Variants in ARSJ observed in about 807,000 individuals in gnomAD.
ARSJ encodes the protein arylsulfatase family member J, also known as arylsulfatase J.
A neutral mutation model predicts 35.9 loss-of-function variants in ARSJ; 26 were observed. That is an observed-to-expected ratio of 0.72 (90% CI 0.53 to 1.00). ARSJ has a LOEUF of 1.00. ARSJ is among the 50% of genes least tolerant of loss of function. The pLI is 0.00. For missense variants in ARSJ, 667 were observed against 723.6 expected (o/e 0.92, Z 0.90); for synonymous variants, 294 against 267.6 (o/e 1.10, Z -0.96).
chr4:113,908,152 G>A lies in ARSJ; in HGVS notation c.399-4477C>T, dbSNP rs997165032. On this transcript the variant is annotated intron_variant, in intron 1 of 1. Transcript: ENST00000315366. ...GACATGACAATTAAATGCAATATGT[G>A]GTTTTGAATTGGAATAGTTTCAATA... is the stretch of plus-strand genomic sequence containing the variant. Among the ~76,000 whole-genome samples the A allele has an allele frequency of 3.3e-5, 5 of 152,156 alleles. No individual in the cohort carries two copies. The East Asian group carries it at 9.6e-4, about 29-fold the overall frequency.
chr4:113,902,212 C>T lies in ARSJ; in HGVS notation c.*62G>A. 6.2e-7 allele frequency: 1 copy of T among 1,600,006 alleles called. No homozygotes were observed. The highest frequency in any genetic ancestry group is 8.5e-7 in the Non-Finnish European group (1 of 1,179,920). On this transcript the variant is annotated 3_prime_UTR_variant, in exon 2 of 2. Coordinates refer to ENST00000315366, the MANE Select transcript of ARSJ (RefSeq NM_024590.4). ...TTATCGAGCCAAATTTGCTGGTTTA[C>T]CTAGGAAACAGATGAAAGATAAGAA...
intron 1 of ARSJ, among the ~76,000 whole-genome samples, chr4:113,947,168 T>A (rs993916810): frequency 1.3e-5 from 2 of 152,160 alleles, no homozygotes; most frequent in South Asian, 2.1e-4. Context: ...GATATTTAGG[T>A]CTTCCAATAG....
chr4:113,918,558 C>T (rs1306861424), intron 1 of ARSJ, among the ~76,000 whole-genome samples: 1 of 152,070 alleles, frequency 6.6e-6, no homozygotes, highest in African/African-American at 2.4e-5. Context: ...TTGAGAACTG[C>T]TAACATCTAA....
At chr4:113,943,935 T>A (rs4364328) in intron 1 of ARSJ, among the ~76,000 whole-genome samples, 1 of 151,814 alleles carries the variant, frequency 6.6e-6, no homozygotes. Flanking sequence ...CTGAGTCTTG[T>A]AATTTGGATT....
At chr4:113,937,198 C>T (rs898600047) in intron 1 of ARSJ, among the ~76,000 whole-genome samples, 11 of 152,002 alleles carry the variant, frequency 7.2e-5, no homozygotes, top group South Asian at 2.1e-4. Flanking sequence ...AGTGCTCACA[C>T]ATTATTTAGG....
rs144792787 is a variant in ARSJ at position 113,905,607 on chromosome 4, T to C, written c.399-1932A>G. 2.6e-3 allele frequency among the ~76,000 whole-genome samples: 394 copies of C among 151,636 alleles called. 7 individuals carry two copies. The highest frequency in any genetic ancestry group is 9.2e-3 in the African/African-American group (383 of 41,454). On this transcript the variant is annotated intron_variant, in intron 1 of 1. Transcript: ENST00000315366. The stretch of plus-strand genomic sequence containing the variant: ...AAGAAATTCCTAAAGAAATAATCTT[T>C]TCATAAACATCATAAGTACCAAGTT...
In ARSJ at chr4:113,959,202, A is replaced by G. The variant is rs1029204605; in HGVS notation, c.398+19235T>C. Among the ~76,000 whole-genome samples the G allele has an allele frequency of 2.6e-5, 4 of 152,076 alleles. No individual in the cohort carries two copies. The South Asian group carries it at 6.2e-4, about 24-fold the overall frequency. On this transcript the variant is annotated intron_variant, in intron 1 of 1. Transcript: ENST00000315366. ...TTTTTCTGAATGGCTCACACAGAACATAAACCTTAAAAGCCAACAGCATAC... is the reference window on the plus strand; with the variant it reads ...TTTTTCTGAATGGCTCACACAGAACGTAAACCTTAAAAGCCAACAGCATAC...
chr4:113,939,658 C>T lies in ARSJ; in HGVS notation c.399-35983G>A, dbSNP rs373525819. Among the ~76,000 whole-genome samples, 153 of 152,126 alleles carry T rather than the reference C, an allele frequency of 1.0e-3. 2 individuals carry two copies. The East Asian group carries it at 0.015, about 14-fold the overall frequency. On this transcript the variant is annotated intron_variant, in intron 1 of 1. Transcript: ENST00000315366. ...GTTTTGATTTGCATTTCTCTGATGG[C>T]CAGTGATGATGAGCATTTTTTCATG...
chr4:113,921,655 C>G (rs1278597978), intron 1 of ARSJ, among the ~76,000 whole-genome samples: 1 of 152,118 alleles, frequency 6.6e-6, no homozygotes, highest in Non-Finnish European at 1.5e-5. Flanking sequence ...TAGGAATAAT[C>G]TCACTAGCCT....
rs1200442949 is a variant in ARSJ at position 113,904,245 on chromosome 4, G to C, written c.399-570C>G. On this transcript the variant is annotated intron_variant, in intron 1 of 1. Coordinates refer to ENST00000315366, the MANE Select transcript of ARSJ (RefSeq NM_024590.4). ...GTGCCCAGCCTCAAAGTCTTTTAAA[G>C]TTCTTATAGTGGAATTAATTTGAAT... Among the ~76,000 whole-genome samples, 3 of 152,056 alleles carry C rather than the reference G, an allele frequency of 2.0e-5. No individual in the cohort carries two copies. The East Asian group carries it at 5.8e-4, about 29-fold the overall frequency.
chr4:113,937,439 A>C (rs1434095083), intron 1 of ARSJ, among the ~76,000 whole-genome samples: 1 of 152,072 alleles, frequency 6.6e-6, no homozygotes, highest in African/African-American at 2.4e-5. Context: ...TATCATACTG[A>C]ATTGGCAAAA....
intron 1 of ARSJ, among the ~76,000 whole-genome samples, chr4:113,960,184 T>C (rs1279096403): frequency 6.6e-6 from 1 of 152,124 alleles, no homozygotes; most frequent in Non-Finnish European, 1.5e-5. Flanking sequence ...CAATGAGTTG[T>C]AGTGGGCATT....
Position 113,922,827 on chromosome 4 carries a change from A to T in ARSJ, c.399-19152T>A, listed in dbSNP as rs142636120. ...GTGCAATTTGTTGTACTACATACAA[A>T]AATGTTAAATGACCTATGTAAAGTT... On this transcript the variant is annotated intron_variant, in intron 1 of 1. Coordinates refer to ENST00000315366, the MANE Select transcript of ARSJ (RefSeq NM_024590.4). Among the ~76,000 whole-genome samples, 434 of 152,290 alleles carry T rather than the reference A, an allele frequency of 2.8e-3. 2 individuals are homozygous for T. Among genetic ancestry groups the T allele is most frequent in the African/African-American group, 1.0e-2 (415 of 41,568 alleles).
chr4:113,968,522 G>A (rs567785192), intron 1 of ARSJ, among the ~76,000 whole-genome samples: 48 of 152,272 alleles, frequency 3.2e-4, no homozygotes, highest in Middle Eastern at 3.4e-3. Flanking sequence ...CTAGAAAGAT[G>A]CAATGATGTC....
chr4:113,952,618 T>C (rs1725931314), intron 1 of ARSJ, among the ~76,000 whole-genome samples: 1 of 152,080 alleles, frequency 6.6e-6, no homozygotes, highest in Non-Finnish European at 1.5e-5. Context: ...GAGGTAATGC[T>C]GAAAGCAGTC....
At chr4:113,929,709 G>A (rs543929625) in intron 1 of ARSJ, among the ~76,000 whole-genome samples, 23 of 152,104 alleles carry the variant, frequency 1.5e-4, no homozygotes, top group African/African-American at 4.8e-4. Context: ...TTTCTGTTTC[G>A]CTCAGGGCAA....
intron 1 of ARSJ, among the ~76,000 whole-genome samples, chr4:113,959,416 T>C (rs927572722): frequency 1.3e-5 from 2 of 151,982 alleles, no homozygotes; most frequent in African/African-American, 4.8e-5. Flanking sequence ...GTCAGAGTAA[T>C]AAAGCTCTCG....
intron 1 of ARSJ, among the ~76,000 whole-genome samples, chr4:113,924,394 C>A (rs1017809622): frequency 6.6e-6 from 1 of 151,804 alleles, no homozygotes; most frequent in Non-Finnish European, 1.5e-5. Flanking sequence ...CTTTCCCAGC[C>A]CACTGACTCA....
At chr4:113,957,696 CT>C (rs1294416698) in intron 1 of ARSJ, among the ~76,000 whole-genome samples, 1 of 152,016 alleles carries the variant, frequency 6.6e-6, no homozygotes, top group Admixed American at 6.6e-5. Context: ...GATTTTCTTC[CT>C]TTGTGCTTCT....
Sources: allele counts gnomAD v4.1 joint callset (sites outside exome capture counted in the v4.1 genomes callset), GRCh38; gene constraint gnomAD v4.1.1; transcripts MANE v1.5; gene names NCBI Gene and HGNC (gene_info 2026-07-23, HGNC 2026-07-21).